Variants in NTHL1 observed in about 807,000 individuals in gnomAD.
NTHL1 encodes the protein nth like DNA glycosylase 1, also known as endonuclease III-like protein 1.
Under a neutral mutation model 32.3 loss-of-function variants are expected in NTHL1, and 32 were observed. The ratio of observed to expected loss-of-function variants is 0.99; its 90% CI spans 0.75 to 1.33. NTHL1 has a LOEUF of 1.33. Among genes scored for constraint, NTHL1 ranks in the 40% most tolerant of loss-of-function variants. The probability of loss-of-function intolerance (pLI) is 0.00; values close to 1 mark genes in which losing one functional copy is unlikely to be tolerated. For missense variants in NTHL1, 501 were observed against 414.1 expected (o/e 1.21, Z -1.82); for synonymous variants, 188 against 176.9 (o/e 1.06, Z -0.50).
chr16:2,045,059 G>T (rs1443976073), intron 2 of NTHL1, among the ~76,000 whole-genome samples: 1 of 152,178 alleles, frequency 6.6e-6, no homozygotes, highest in Non-Finnish European at 1.5e-5. Context: ...GTATGTGGCC[G>T]GGCGTGGTGG....
In NTHL1 at chr16:2,047,817, C is replaced by T. The variant is rs753350404; in HGVS notation, c.7G>A (p.Ala3Thr). The change falls in exon 1 of 6, where the codon GCC (alanine) becomes ACC (threonine). Residue 3 changes from alanine (A) to threonine (T), a missense_variant. By Grantham distance (58) the Ala-to-Thr change is moderately conservative (BLOSUM62 0). Coordinates refer to ENST00000651570, the MANE Select transcript of NTHL1 (RefSeq NM_002528.7). ...CGGGTCAGCATCCTCGCGCTCAAGG[C>T]GGTCATGCCGGACTCCTGCGGACTA... MT[A>T]LSARMLTRSR... 3.1e-6 allele frequency: 5 copies of T among 1,593,584 alleles called. No individual in the cohort carries two copies. The highest frequency in any genetic ancestry group is 4.3e-6 in the Non-Finnish European group (5 of 1,175,288).
At position 2,044,492 on chromosome 16, in the gene NTHL1, TGG is replaced by T; in HGVS notation, c.525+136_525+137del. 2 of 1,094,232 alleles carry T rather than the reference TGG, an allele frequency of 1.8e-6. No homozygotes were observed. Among genetic ancestry groups the T allele is most frequent in the Non-Finnish European group, 2.7e-6 (2 of 743,314 alleles). 67.8% of individuals were successfully genotyped at this position (1,094,232 alleles called of 1,614,324 possible). A position where few individuals can be genotyped will look rare whatever the true frequency, so the allele number is the denominator to read the frequency against. On this transcript the variant is annotated intron_variant, in intron 3 of 5. Transcript: ENST00000651570. This position sits in a 1 kb window ranked among gnomAD's most constrained non-coding sequence, Gnocchi z 5.0. ...CGTCAGGCCTCAGGGCCCCACGGCC[TGG>T]GGGGGGCTTCAGGGGGACCCCCCGA... is the stretch of plus-strand genomic sequence containing the variant.
Position 2,047,818 on chromosome 16 carries a change from G to T in NTHL1, c.6C>A (p.Thr2=), listed in dbSNP as rs758854228. ...GGGTCAGCATCCTCGCGCTCAAGGC[G>T]GTCATGCCGGACTCCTGCGGACTAC... M[T]ALSARMLTRS... Residue 2 remains threonine (T), a synonymous_variant, in exon 1 of 6, where the codon ACC becomes ACA. Transcript: ENST00000651570. 1 of 1,593,942 alleles carries T rather than the reference G, an allele frequency of 6.3e-7. No individual in the cohort carries two copies. The highest frequency in any genetic ancestry group is 8.5e-7 in the Non-Finnish European group (1 of 1,175,474).
Position 2,044,601 on chromosome 16 carries a change from C to T in NTHL1, c.525+29G>A, listed in dbSNP as rs767269308. On this transcript the variant is annotated intron_variant, in intron 3 of 5. Transcript: ENST00000651570. This position sits in a 1 kb window ranked among gnomAD's most constrained non-coding sequence, Gnocchi z 5.0. ...AGGTCTCTCTCAGGCCACTGCCACC[C>T]GGCCCCCGTTGCCACAGGCAGGGCT... The T allele has an allele frequency of 5.0e-5, 80 of 1,598,578 alleles. No homozygotes were observed. The highest frequency in any genetic ancestry group is 2.6e-4 in the South Asian group (24 of 91,016).
At chr16:2,046,913 AGTGAG>A in intron 1 of NTHL1, 1 of 154,892 alleles carries the variant, frequency 6.5e-6, no homozygotes, top group Admixed American at 6.3e-5. Context: ...CGGAGGTTGC[AGTGAG>A]CTGAGATCAC....
chr16:2,040,140 G>C lies in NTHL1; in HGVS notation c.784C>G (p.Leu262Val), dbSNP rs1252431964. 2 of 1,613,666 alleles carry C rather than the reference G, an allele frequency of 1.2e-6. No homozygotes were observed. The highest frequency in any genetic ancestry group is 8.5e-7 in the Non-Finnish European group (1 of 1,180,026). The change falls in exon 5 of 6, where the codon CTG becomes GTG. Residue 262 changes from leucine (L) to valine (V), a missense_variant. Coordinates refer to ENST00000651570, the MANE Select transcript of NTHL1 (RefSeq NM_002528.7). ...EETRAALEEWLPRELWHEING... is the reference protein window; with the variant it reads ...EETRAALEEWVPRELWHEING... ...CCCCCCACATACTCATACCTAGGCAGCCACTCCTCCAGGGCGGCGCGGGTC... is the reference window on the plus strand; with the variant it reads ...CCCCCCACATACTCATACCTAGGCACCCACTCCTCCAGGGCGGCGCGGGTC...
intron 1 of NTHL1, 126 bp from the exon 2 acceptor site, chr16:2,046,492 G>T (rs2084400487): frequency 2.3e-6 from 2 of 857,186 alleles, no homozygotes; most frequent in East Asian, 2.6e-5. Flanking sequence ...TAATACACTT[G>T]GGGTGCTCTG....
rs531031516 is a variant in NTHL1 at position 2,044,176 on chromosome 16, C to T, written c.526-450G>A. 53 of 320,950 alleles carry T rather than the reference C, an allele frequency of 1.7e-4. No homozygotes were observed. Among genetic ancestry groups the T allele is most frequent in the Non-Finnish European group, 2.9e-4 (49 of 166,308 alleles). 19.9% of individuals were successfully genotyped at this position (320,950 alleles called of 1,614,324 possible). ...AACCCATCTGAGAAACTGCGGCCCA[C>T]GCGGGTGCCAAGGGGAAGCGGCCCC... is the stretch of plus-strand genomic sequence containing the variant. On this transcript the variant is annotated intron_variant, in intron 3 of 5. Coordinates refer to ENST00000651570, the MANE Select transcript of NTHL1 (RefSeq NM_002528.7). The surrounding 1 kb of genome is among the most constrained non-coding windows in gnomAD (Gnocchi z 5.0).
At position 2,040,033 on chromosome 16, in the gene NTHL1, T is replaced by A. The variant is rs369032190; in HGVS notation, c.806A>T (p.Glu269Val). 2.4e-5 allele frequency: 38 copies of A among 1,612,120 alleles called. No homozygotes were observed. Among genetic ancestry groups the A allele is most frequent in the Non-Finnish European group, 3.1e-5 (36 of 1,179,980 alleles). ...EEWLPRELWHEINGLLVGFGQ... is the reference protein window; with the variant it reads ...EEWLPRELWHVINGLLVGFGQ... Reference sequence around the variant, plus strand: ...GAAGCCCACCAAGAGTCCATTGATCTCGTGCCACAGCTCCCTGTGGGGGTG... The same window carrying A: ...GAAGCCCACCAAGAGTCCATTGATCACGTGCCACAGCTCCCTGTGGGGGTG... The change falls in exon 6 of 6, where the codon GAG becomes GTG. Residue 269 changes from glutamate to valine, a missense_variant. Transcript: ENST00000651570.
At position 2,043,810 on chromosome 16, in the gene NTHL1, G is replaced by A. The variant is rs2084302836; in HGVS notation, c.526-84C>T. ...TGCAGCCCCCAGGAGACCCACAGGT[G>A]GCCAGAGCTACCTGCACCTGCTGAG... is the stretch of plus-strand genomic sequence containing the variant. On this transcript the variant is annotated intron_variant, in intron 3 of 5. Coordinates refer to ENST00000651570, the MANE Select transcript of NTHL1 (RefSeq NM_002528.7). The surrounding 1 kb of genome is among the most constrained non-coding windows in gnomAD (Gnocchi z 4.4). 4 of 1,508,588 alleles carry A rather than the reference G, an allele frequency of 2.7e-6. No homozygotes were observed. Among genetic ancestry groups the A allele is most frequent in the Non-Finnish European group, 3.6e-6 (4 of 1,101,098 alleles). The allele number at this position is 1,508,588 out of a possible 1,614,324, so 93.5% of individuals were successfully genotyped here.
Position 2,046,170 on chromosome 16 carries a change from A to G in NTHL1, c.312T>C (p.His104=), listed in dbSNP as rs778478768. Residue 104 remains histidine (H), a synonymous_variant, in exon 2 of 6, where the codon CAT becomes CAC. Transcript: ENST00000651570. ...MRNKKDAPVD[H]LGTEHCYDSS... ...AGTCATAGCAGTGCTCAGTCCCCAGATGGTCCACAGGTGCATCCTTTTTGT... is the reference window on the plus strand; with the variant it reads ...AGTCATAGCAGTGCTCAGTCCCCAGGTGGTCCACAGGTGCATCCTTTTTGT... 2 of 1,613,212 alleles carry G rather than the reference A, an allele frequency of 1.2e-6. No homozygotes were observed. The highest frequency in any genetic ancestry group is 1.7e-5 in the Admixed American group (1 of 60,032).
rs2084322583 is a variant in NTHL1 at position 2,044,895 on chromosome 16, T to A, written c.355-95A>T. 7.1e-7 allele frequency: 1 copy of A among 1,402,712 alleles called. No homozygotes were observed. The highest frequency in any genetic ancestry group is 1.4e-5 in the African/African-American group (1 of 70,398). The allele number at this position is 1,402,712 out of a possible 1,614,324, so 86.9% of individuals were successfully genotyped here. A position where few individuals can be genotyped will look rare whatever the true frequency, so the allele number is the denominator to read the frequency against. Reference sequence around the variant, plus strand: ...CCGCCCTCGACACACCCTGGTTTGTTGCCCTGGGCCACACTTGAGGCATCA... The same window carrying A: ...CCGCCCTCGACACACCCTGGTTTGTAGCCCTGGGCCACACTTGAGGCATCA... On this transcript the variant is annotated intron_variant, in intron 2 of 5. Coordinates refer to ENST00000651570, the MANE Select transcript of NTHL1 (RefSeq NM_002528.7). The surrounding 1 kb of genome is among the most constrained non-coding windows in gnomAD (Gnocchi z 5.0).
intron 4 of NTHL1, among the ~76,000 whole-genome samples, chr16:2,040,972 C>T (rs2084261593): frequency 6.6e-6 from 1 of 152,212 alleles, no homozygotes; most frequent in Non-Finnish European, 1.5e-5. Flanking sequence ...CCCTGGCCGG[C>T]CGCAGCTGCT....
chr16:2,044,253 G>A lies in NTHL1; in HGVS notation c.525+377C>T, dbSNP rs1299250103. Among the ~76,000 whole-genome samples, 1 of 152,216 alleles carries A rather than the reference G, an allele frequency of 6.6e-6. No homozygotes were observed. On this transcript the variant is annotated intron_variant, in intron 3 of 5. Transcript: ENST00000651570. The surrounding 1 kb of genome is among the most constrained non-coding windows in gnomAD (Gnocchi z 5.0). ...CGCCCACCACCATCCAGTGCTCGGC[G>A]GGGTTGGGGAGCAGCCTCCCCAGGG...
At position 2,044,078 on chromosome 16, in the gene NTHL1, T is replaced by C; in HGVS notation, c.526-352A>G. 1 of 388,772 alleles carries C rather than the reference T, an allele frequency of 2.6e-6. No homozygotes were observed. The highest frequency in any genetic ancestry group is 4.9e-6 in the Non-Finnish European group (1 of 206,020). 24.1% of individuals were successfully genotyped at this position (388,772 alleles called of 1,614,324 possible). On this transcript the variant is annotated intron_variant, in intron 3 of 5. Transcript: ENST00000651570. This position sits in a 1 kb window ranked among gnomAD's most constrained non-coding sequence, Gnocchi z 5.0. ...CGCCTTCAGGAAGGAGGGCTGGAGC[T>C]GGGGCTTCCCCACCAGCTGCCAGGC...
chr16:2,042,296 G>A (rs1019311402), intron 4 of NTHL1: 5 of 349,660 alleles, frequency 1.4e-5, no homozygotes, highest in African/African-American at 4.3e-5. Context: ...GAGGACAGCC[G>A]CCCAGATAAG....
Position 2,044,970 on chromosome 16 carries a change from T to C in NTHL1, c.355-170A>G. 2 of 649,538 alleles carry C rather than the reference T, an allele frequency of 3.1e-6. No individual in the cohort carries two copies. The highest frequency in any genetic ancestry group is 5.2e-6 in the Non-Finnish European group (2 of 382,508). The allele number at this position is 649,538 out of a possible 1,614,324, so 40.2% of individuals were successfully genotyped here. A position where few individuals can be genotyped will look rare whatever the true frequency, so the allele number is the denominator to read the frequency against. Reference sequence around the variant, plus strand: ...TCTGGTTTGGGTATGTTTGGTCATCTACAACACCAGGACAATAATAGTACC... The same window carrying C: ...TCTGGTTTGGGTATGTTTGGTCATCCACAACACCAGGACAATAATAGTACC... On this transcript the variant is annotated intron_variant, in intron 2 of 5. Transcript: ENST00000651570. This position sits in a 1 kb window ranked among gnomAD's most constrained non-coding sequence, Gnocchi z 5.0.
chr16:2,046,083 T>C, intron 2 of NTHL1, 45 bp downstream of exon 2: 1 of 1,524,260 alleles, frequency 6.6e-7, no homozygotes, highest in Non-Finnish European at 9.1e-7. Context: ...AACAAGGACC[T>C]TGCTAAGATG....
Position 2,046,352 on chromosome 16 carries a change from G to C in NTHL1, c.130C>G (p.His44Asp), listed in dbSNP as rs374988261. The change falls in exon 2 of 6, where the codon CAC becomes GAC. Residue 44 changes from histidine (H) to aspartate (D), a missense_variant. Coordinates refer to ENST00000651570, the MANE Select transcript of NTHL1 (RefSeq NM_002528.7). ...TTCCGCGGACGCTTCACGGGGCTGT[G>C]GCTTTTCCTCGCTTCTGCAAAAAGC... ...REAAAEARKS[H>D]SPVKRPRKAQ... 7 of 1,605,830 alleles carry C rather than the reference G, an allele frequency of 4.4e-6. No individual in the cohort carries two copies. Among genetic ancestry groups the C allele is most frequent in the East Asian group, 2.2e-5 (1 of 44,696 alleles).
Sources: allele counts gnomAD v4.1 joint callset (sites outside exome capture counted in the v4.1 genomes callset), GRCh38; gene constraint gnomAD v4.1.1; non-coding constraint Gnocchi (gnomAD v3.1); transcripts MANE v1.5; gene names NCBI Gene and HGNC (gene_info 2026-07-23, HGNC 2026-07-21).